PATL2: variants seen among roughly 807,000 people sequenced by gnomAD.
PATL2 encodes protein PAT1 homolog 2.
A neutral mutation model predicts 77.0 loss-of-function variants in PATL2; 73 were observed. The ratio of observed to expected loss-of-function variants is 0.95; its 90% CI spans 0.78 to 1.15. PATL2 has a LOEUF of 1.15. Ranked by LOEUF, PATL2 falls within the 50% of genes most tolerant of loss-of-function variation. PATL2 has a pLI of 0.00. For missense variants in PATL2, 618 were observed against 655.4 expected (o/e 0.94, Z 0.62); for synonymous variants, 265 against 257.1 (o/e 1.03, Z -0.29).
intron 3 of PATL2, among the ~76,000 whole-genome samples, chr15:44,688,291 A>T (rs2141241375): frequency 6.6e-6 from 1 of 151,876 alleles, no homozygotes; most frequent in South Asian, 2.1e-4. Context: ...TAATAAAAAA[A>T]ATGCTATCCC....
chr15:44,673,495 G>A, intron 6 of PATL2, 118 bp from the exon 7 acceptor site: 2 of 1,319,968 alleles, frequency 1.5e-6, no homozygotes, highest in Admixed American at 4.5e-5. Flanking sequence ...ACCCAACATT[G>A]TGCCATCTTG....
chr15:44,666,914 T>C (rs10152685), intron 16 of PATL2, 192 bp downstream of exon 16: 15,569 of 582,632 alleles, frequency 0.027, 702 homozygotes, highest in African/African-American at 0.13. Context: ...TACTATGTTA[T>C]ACTGCCTCCT....
chr15:44,686,828 A>G (rs1347388626), intron 3 of PATL2, among the ~76,000 whole-genome samples: 3 of 152,218 alleles, frequency 2.0e-5, no homozygotes, highest in Non-Finnish European at 2.9e-5. Context: ...ATTCCTGGAC[A>G]CATACACCCT....
chr15:44,706,048 C>T (rs954279838), intron 3 of PATL2, among the ~76,000 whole-genome samples: 4 of 152,144 alleles, frequency 2.6e-5, no homozygotes, highest in East Asian at 1.9e-4. Context: ...GATCTACCCA[C>T]CTTGGCCTCC....
At chr15:44,666,060 T>A in intron 17 of PATL2, 89 bp from the exon 18 acceptor site, 1 of 1,224,246 alleles carries the variant, frequency 8.2e-7, no homozygotes, top group South Asian at 1.4e-5. Flanking sequence ...TTTCTAGCAG[T>A]AATTCTGAGG....
intron 3 of PATL2, among the ~76,000 whole-genome samples, chr15:44,681,503 C>G (rs538736710): frequency 2.6e-5 from 4 of 152,150 alleles, no homozygotes; most frequent in Admixed American, 1.3e-4. Flanking sequence ...TTTCCTGCTC[C>G]CCTCATCTTC....
At chr15:44,671,800 C>T (rs543130882) in intron 9 of PATL2, among the ~76,000 whole-genome samples, 1 of 152,186 alleles carries the variant, frequency 6.6e-6, no homozygotes, top group Non-Finnish European at 1.5e-5. Flanking sequence ...GTTTGGGGAA[C>T]TGGAAATAAT....
Position 44,674,231 on chromosome 15 carries a change from CTGGAACAGGAGGG to C in PATL2, c.223-14_223-2del, listed in dbSNP as rs751701388. 4.0e-5 allele frequency: 62 copies of C among 1,544,500 alleles called. 1 individual carries two copies. The East Asian group carries it at 1.4e-3, about 36-fold the overall frequency. On this transcript the variant is annotated splice_acceptor_variant and splice_polypyrimidine_tract_variant and intron_variant, in intron 5 of 17. Transcript: ENST00000682850. LOFTEE classifies it high-confidence loss of function. ...CTCCAGGGGAGCTAAGCAGAGCTCTCTGGAACAGGAGGGAGGAAAAACCAGGCTCAAATGGGCC... is the reference window on the plus strand; with the variant it reads ...CTCCAGGGGAGCTAAGCAGAGCTCTCAGGAAAAACCAGGCTCAAATGGGCC...
intron 4 of PATL2, chr15:44,675,973 G>A: frequency 2.3e-6 from 1 of 434,746 alleles, no homozygotes; most frequent in South Asian, 3.6e-5. Flanking sequence ...TTTGGGCCCA[G>A]GAGTTTGAGA....
At chr15:44,676,782 G>A (rs1171014472) in intron 3 of PATL2, 2 of 1,231,026 alleles carry the variant, frequency 1.6e-6, no homozygotes, top group Non-Finnish European at 2.1e-6. Context: ...TGAGGCACAG[G>A]CTAGAAGCAG....
Position 44,665,894 on chromosome 15 carries a change from T to A in PATL2, c.*59A>T, listed in dbSNP as rs746175960. 5.8e-6 allele frequency: 9 copies of A among 1,550,456 alleles called. No individual in the cohort carries two copies. In the African/African-American group the frequency reaches 1.1e-4, roughly 19 times the overall value. ...TCTCTGGATCCCTGTAAACATAGTC[T>A]ATGTAGCTAGTGTCTGATGATTCAA... On this transcript the variant is annotated 3_prime_UTR_variant, in exon 18 of 18. Transcript: ENST00000682850.
chr15:44,707,874 A>G (rs1351106605), intron 3 of PATL2, among the ~76,000 whole-genome samples: 1 of 152,184 alleles, frequency 6.6e-6, no homozygotes, highest in Non-Finnish European at 1.5e-5. Flanking sequence ...ACTTCAGCCC[A>G]TGGTGGGGAG....
At chr15:44,688,765 A>G (rs927612773) in intron 3 of PATL2, among the ~76,000 whole-genome samples, 13 of 152,232 alleles carry the variant, frequency 8.5e-5, no homozygotes, top group African/African-American at 3.1e-4. Flanking sequence ...ACCCCAGAAG[A>G]AAACCTAGGC....
intron 3 of PATL2, among the ~76,000 whole-genome samples, chr15:44,706,566 C>G (rs957138636): frequency 1.3e-5 from 2 of 152,230 alleles, no homozygotes; most frequent in African/African-American, 4.8e-5. Flanking sequence ...TCTGGATTAC[C>G]AGGCAGAGAC....
intron 3 of PATL2, among the ~76,000 whole-genome samples, chr15:44,707,491 CCTTCT>C: frequency 6.6e-6 from 1 of 152,258 alleles, no homozygotes; most frequent in Non-Finnish European, 1.5e-5. Context: ...CAGCAGGTTC[CCTTCT>C]GGCCCAGGGT....
Position 44,669,847 on chromosome 15 carries a change from T to C in PATL2, c.806A>G (p.Gln269Arg). ...SVVRIEGSLGQVAVSTCFSPR... is the reference protein window; with the variant it reads ...SVVRIEGSLGRVAVSTCFSPR... The stretch of plus-strand genomic sequence containing the variant: ...GCTGAAGCATGTCGACACAGCTACC[T>C]GGCCCAGGGAACCCTCGATTCGGAC... The change falls in exon 11 of 18, where the codon CAG becomes CGG. Residue 269 changes from glutamine to arginine, a missense_variant. Gln to Arg is a conservative substitution (Grantham distance 43). Transcript: ENST00000682850. The C allele has an allele frequency of 1.3e-6, 2 of 1,551,646 alleles. No individual in the cohort carries two copies. The highest frequency in any genetic ancestry group is 8.7e-7 in the Non-Finnish European group (1 of 1,146,992).
chr15:44,676,262 T>C (rs2085948067), intron 4 of PATL2: 1 of 584,870 alleles, frequency 1.7e-6, no homozygotes, highest in Non-Finnish European at 3.1e-6. Flanking sequence ...TATGAGGCTG[T>C]CCTGGGTTGT....
intron 3 of PATL2, among the ~76,000 whole-genome samples, chr15:44,684,849 A>T (rs1320208311): frequency 6.6e-6 from 1 of 152,194 alleles, no homozygotes; most frequent in African/African-American, 2.4e-5. Context: ...GCCAGAGAGA[A>T]AGGTTGGGTT....
At chr15:44,709,144 C>T (rs756465456) in intron 3 of PATL2, among the ~76,000 whole-genome samples, 2 of 152,090 alleles carry the variant, frequency 1.3e-5, no homozygotes, top group Non-Finnish European at 2.9e-5. Flanking sequence ...AGTGATCTGC[C>T]CGCCTTGACC....
Sources: gnomAD v4.1 joint callset for allele counts (sites outside exome capture counted in the v4.1 genomes callset) on GRCh38, gnomAD v4.1.1 for gene constraint, MANE v1.5 for transcripts, NCBI Gene and HGNC (gene_info 2026-07-23, HGNC 2026-07-21) for gene names.